The following TMED2 variants were observed in gnomAD, a reference collection of about 807,000 sequenced individuals.
TMED2 encodes the protein transmembrane p24 trafficking protein 2, also known as transmembrane emp24 domain-containing protein 2.
In TMED2, 3 loss-of-function variants were observed where a neutral mutation model predicts 17.5. That is an observed-to-expected ratio of 0.17 (90% CI 0.08 to 0.44). The LOEUF (loss-of-function observed/expected upper bound fraction) is 0.44. Ranked by LOEUF, TMED2 falls within the 20% of genes least tolerant of loss-of-function variation. The pLI is 0.99. For synonymous variants in TMED2, 95 were observed against 91.0 expected, an observed-to-expected ratio of 1.04 and a Z score of -0.25; for missense variants, 149 against 254.8, an observed-to-expected ratio of 0.58 and a Z score of 2.83.
chr12:123,584,623 G>T lies in TMED2; in HGVS notation c.-14G>T. 1 of 1,606,132 alleles carries T rather than the reference G, an allele frequency of 6.2e-7. No individual in the cohort carries two copies. Among genetic ancestry groups the T allele is most frequent in the Non-Finnish European group, 8.5e-7 (1 of 1,178,576 alleles). On this transcript the variant is annotated 5_prime_UTR_variant, in exon 1 of 4. Coordinates refer to ENST00000262225, the MANE Select transcript of TMED2 (RefSeq NM_006815.4). ...GGCCGCAGTCCGGGTCCTGGCTTCG[G>T]CCTCAGCCCCACCATGGTGACGCTT...
At position 123,584,798 on chromosome 12, in the gene TMED2, C is replaced by T. The variant is rs374900563; in HGVS notation, c.162C>T (p.Phe54=). ...GLIFEVAEGG[F]LDIDVEITGP... Reference sequence around the variant, plus strand: ...TCTTCGAGGTGGCGGAGGGCGGCTTCCTGGACATCGACGTGGAGGTGCGGG... The same window carrying T: ...TCTTCGAGGTGGCGGAGGGCGGCTTTCTGGACATCGACGTGGAGGTGCGGG... Residue 54 remains phenylalanine (F), a synonymous_variant, in exon 1 of 4, where the codon TTC becomes TTT. Coordinates refer to ENST00000262225, the MANE Select transcript of TMED2 (RefSeq NM_006815.4). The T allele has an allele frequency of 9.3e-5, 150 of 1,611,312 alleles. No individual in the cohort carries two copies. The South Asian group carries it at 1.2e-3, about 12-fold the overall frequency.
In TMED2 at chr12:123,586,699, A is replaced by G. The variant is rs543991260; in HGVS notation, c.181-48A>G. ...CCATTAGACATTACTTATAAAGTCTATGACTTAATCTTTTGTGACATTTTA... is the reference window on the plus strand; with the variant it reads ...CCATTAGACATTACTTATAAAGTCTGTGACTTAATCTTTTGTGACATTTTA... On this transcript the variant is annotated intron_variant, in intron 1 of 3. Transcript: ENST00000262225. The G allele has an allele frequency of 5.9e-6, 9 of 1,532,158 alleles. No homozygotes were observed. In the African/African-American group the frequency reaches 6.9e-5, roughly 12 times the overall value. The allele number at this position is 1,532,158 out of a possible 1,614,324, so 94.9% of individuals were successfully genotyped here.
chr12:123,593,871 C>T (rs1953410966), intron 3 of TMED2, among the ~76,000 whole-genome samples: 1 of 152,132 alleles, frequency 6.6e-6, no homozygotes, highest in East Asian at 1.9e-4. Flanking sequence ...ATACAGCTCA[C>T]TGCAGCCTCA....
intron 3 of TMED2, 55 bp from the exon 4 acceptor site, chr12:123,596,550 A>T: frequency 6.4e-7 from 1 of 1,565,862 alleles, no homozygotes; most frequent in Non-Finnish European, 8.6e-7. Context: ...TATGATGCCT[A>T]TGTCTTTTTG....
At chr12:123,593,334 T>C (rs1238849680) in intron 3 of TMED2, among the ~76,000 whole-genome samples, 1 of 151,916 alleles carries the variant, frequency 6.6e-6, no homozygotes, top group Non-Finnish European at 1.5e-5. Flanking sequence ...CCCACTGCAA[T>C]CTCCACCTCC....
At chr12:123,592,450 C>A (rs201862132) in intron 3 of TMED2, among the ~76,000 whole-genome samples, 5 of 152,208 alleles carry the variant, frequency 3.3e-5, no homozygotes, top group Non-Finnish European at 5.9e-5. Context: ...ACATGTCTTC[C>A]GTCTTTAGGG....
At chr12:123,589,619 G>A (rs1953376970) in intron 2 of TMED2, among the ~76,000 whole-genome samples, 1 of 152,074 alleles carries the variant, frequency 6.6e-6, no homozygotes, top group Non-Finnish European at 1.5e-5. Context: ...ACTGGGAAGG[G>A]ACTTTTAAAA....
chr12:123,588,091 T>C (rs564623177), intron 2 of TMED2, among the ~76,000 whole-genome samples: 1 of 152,242 alleles, frequency 6.6e-6, no homozygotes, highest in African/African-American at 2.4e-5. Context: ...ATGTTGCAGT[T>C]AGAGTGTTCA....
chr12:123,587,817 A>G (rs1392888853), intron 2 of TMED2, among the ~76,000 whole-genome samples: 2 of 152,180 alleles, frequency 1.3e-5, no homozygotes, highest in Admixed American at 6.5e-5. Context: ...CAGGAGGTAT[A>G]GGTTAGGTTA....
At position 123,596,967 on chromosome 12, in the gene TMED2, C is replaced by T. The variant is rs978845477; in HGVS notation, c.*238C>T. ...GCTGCCTCCATTATATAGGTCCTTC[C>T]AGGAACTCAAACACTGTAAGTGAAA... is the stretch of plus-strand genomic sequence containing the variant. On this transcript the variant is annotated 3_prime_UTR_variant, in exon 4 of 4. Transcript: ENST00000262225. 1.0e-5 allele frequency: 3 copies of T among 291,122 alleles called. No homozygotes were observed. The highest frequency in any genetic ancestry group is 1.0e-4 in the Admixed American group (2 of 19,328). The allele number at this position is 291,122 out of a possible 1,614,324, so 18.0% of individuals were successfully genotyped here. A position where few individuals can be genotyped will look rare whatever the true frequency, so the allele number is the denominator to read the frequency against.
chr12:123,590,110 C>G (rs1334355421), intron 2 of TMED2, among the ~76,000 whole-genome samples: 1 of 151,722 alleles, frequency 6.6e-6, no homozygotes, highest in African/African-American at 2.4e-5. Flanking sequence ...TGGTGAAACC[C>G]CGTCTCTACT....
In TMED2 at chr12:123,586,750, A is replaced by G. The variant is rs1281385511; in HGVS notation, c.184A>G (p.Thr62Ala). The G allele has an allele frequency of 1.9e-6, 3 of 1,595,200 alleles. No individual in the cohort carries two copies. Among genetic ancestry groups the G allele is most frequent in the Non-Finnish European group, 2.6e-6 (3 of 1,169,608 alleles). Residue 62 changes from threonine (T) to alanine (A), a missense_variant, in exon 2 of 4, where the codon ACA becomes GCA. Transcript: ENST00000262225. ...GGFLDIDVEI[T>A]GPDNKGIYKG... ...TGCATTTCTCTCTTGCCTCCAGATT[A>G]CAGGACCAGATAACAAAGGAATTTA...
chr12:123,586,955 A>G lies in TMED2; in HGVS notation c.373+16A>G. ...GAAACAGAAGGTGAGATGAACATTCAGAAGATTTACATCACATTCCAAGAG... is the reference window on the plus strand; with the variant it reads ...GAAACAGAAGGTGAGATGAACATTCGGAAGATTTACATCACATTCCAAGAG... On this transcript the variant is annotated intron_variant, in intron 2 of 3. Coordinates refer to ENST00000262225, the MANE Select transcript of TMED2 (RefSeq NM_006815.4). 1 of 1,571,378 alleles carries G rather than the reference A, an allele frequency of 6.4e-7. No individual in the cohort carries two copies. Among genetic ancestry groups the G allele is most frequent in the Non-Finnish European group, 8.6e-7 (1 of 1,156,530 alleles).
At chr12:123,591,950 A>C (rs1206208496) in intron 3 of TMED2, among the ~76,000 whole-genome samples, 1 of 152,212 alleles carries the variant, frequency 6.6e-6, no homozygotes, top group Non-Finnish European at 1.5e-5. Context: ...GAGTGACTCA[A>C]AGAGATAAGC....
chr12:123,585,883 T>C (rs1440136673), intron 1 of TMED2: 1 of 152,194 alleles, frequency 6.6e-6, no homozygotes, highest in African/African-American at 2.4e-5. Flanking sequence ...CTTCACTGTT[T>C]GGCAGTAATC....
In TMED2 at chr12:123,584,623, G is replaced by A; in HGVS notation, c.-14G>A. 6.2e-7 allele frequency: 1 copy of A among 1,606,132 alleles called. No homozygotes were observed. Among genetic ancestry groups the A allele is most frequent in the Non-Finnish European group, 8.5e-7 (1 of 1,178,576 alleles). On this transcript the variant is annotated 5_prime_UTR_variant, in exon 1 of 4. Transcript: ENST00000262225. The stretch of plus-strand genomic sequence containing the variant: ...GGCCGCAGTCCGGGTCCTGGCTTCG[G>A]CCTCAGCCCCACCATGGTGACGCTT...
intron 3 of TMED2, among the ~76,000 whole-genome samples, chr12:123,594,653 C>T (rs1172495593): frequency 2.0e-5 from 3 of 150,730 alleles, no homozygotes; most frequent in African/African-American, 7.3e-5. Context: ...TTTGGGAGGC[C>T]GAGGTGGGTG....
At position 123,584,685 on chromosome 12, in the gene TMED2, A is replaced by G; in HGVS notation, c.49A>G (p.Thr17Ala). The G allele has an allele frequency of 6.2e-7, 1 of 1,613,344 alleles. No individual in the cohort carries two copies. The highest frequency in any genetic ancestry group is 1.7e-4 in the Middle Eastern group (1 of 5,968). ...GGTGCTTCTGGCCGCTCTCCTGGCC[A>G]CGGTCTCGGGCTATTTCGTTAGCAT... ...LLVLLAALLATVSGYFVSIDA... is the reference protein window; with the variant it reads ...LLVLLAALLAAVSGYFVSIDA... Residue 17 changes from threonine (T) to alanine (A), a missense_variant, in exon 1 of 4, where the codon ACG becomes GCG. Coordinates refer to ENST00000262225, the MANE Select transcript of TMED2 (RefSeq NM_006815.4).
In TMED2 at chr12:123,596,788, TA is replaced by T. The variant is rs1473755443; in HGVS notation, c.*61del. The T allele has an allele frequency of 6.1e-6, 9 of 1,485,970 alleles. No homozygotes were observed. Among genetic ancestry groups the T allele is most frequent in the Middle Eastern group, 3.6e-4 (2 of 5,610 alleles). 92.0% of individuals were successfully genotyped at this position (1,485,970 alleles called of 1,614,324 possible). A position where few individuals can be genotyped will look rare whatever the true frequency, so the allele number is the denominator to read the frequency against. ...CACTGTTTACCAAACACCTTGGTCA[TA>T]ATAATGTCATTAGTTTCTCCATTTT... is the stretch of plus-strand genomic sequence containing the variant. On this transcript the variant is annotated 3_prime_UTR_variant, in exon 4 of 4. Transcript: ENST00000262225.
Sources: gnomAD v4.1 joint callset for allele counts (sites outside exome capture counted in the v4.1 genomes callset) on GRCh38, gnomAD v4.1.1 for gene constraint, MANE v1.5 for transcripts, NCBI Gene and HGNC (gene_info 2026-07-23, HGNC 2026-07-21) for gene names.